The following SCOC variants were observed in gnomAD, a reference collection of about 807,000 sequenced individuals.
The protein encoded by SCOC is short coiled-coil protein.
Under a neutral mutation model 9.9 loss-of-function variants are expected in SCOC, and 7 were observed. The observed-to-expected ratio is 0.71, with a 90% confidence interval of 0.40 to 1.33. The LOEUF is 1.33. Among genes scored for constraint, SCOC ranks in the 40% most tolerant of loss-of-function variants. The pLI is 0.01. For missense variants in SCOC, 66 were observed against 89.7 expected, an observed-to-expected ratio of 0.74 and a Z score of 1.07; for synonymous variants, 19 against 28.2, an observed-to-expected ratio of 0.67 and a Z score of 1.03.
intron 2 of SCOC, among the ~76,000 whole-genome samples, chr4:140,364,045 T>TA: frequency 6.6e-6 from 1 of 151,892 alleles, no homozygotes; most frequent in East Asian, 1.9e-4. Context: ...AGAAAGATTG[T>TA]AAAAAAAGAA....
chr4:140,280,515 TTC>T (rs920113227), intron 1 of SCOC, among the ~76,000 whole-genome samples: 1 of 152,184 alleles, frequency 6.6e-6, no homozygotes, highest in African/African-American at 2.4e-5. Context: ...CTCTTTATGC[TTC>T]TCTCTCCCTT....
chr4:140,318,087 C>G (rs1732384802), intron 1 of SCOC, among the ~76,000 whole-genome samples: 2 of 151,868 alleles, frequency 1.3e-5, no homozygotes, highest in African/African-American at 4.8e-5. Context: ...TTTTCTTAAT[C>G]CAGTTGATTT....
chr4:140,360,955 G>A (rs573409001), intron 2 of SCOC: 1 of 151,632 alleles, frequency 6.6e-6, no homozygotes, highest in South Asian at 2.1e-4. Context: ...GCGACATTTT[G>A]TAGTATTTCC....
Position 140,385,361 on chromosome 4 carries a change from TAAAG to T in SCOC, c.*4263_*4266del, listed in dbSNP as rs1728664917. The T allele has an allele frequency of 8.5e-5, 13 of 152,308 alleles. No homozygotes were observed. In the South Asian group the frequency reaches 2.5e-3, roughly 29 times the overall value. 9.4% of individuals were successfully genotyped at this position (152,308 alleles called of 1,614,324 possible). A position where few individuals can be genotyped will look rare whatever the true frequency, so the allele number is the denominator to read the frequency against. ...TAGCAAAATGAGTATTAAAGTAGGATAAAGAAAGACTACATATGTACATAAAACC... is the reference window on the plus strand; with the variant it reads ...TAGCAAAATGAGTATTAAAGTAGGATAAAGACTACATATGTACATAAAACC... On this transcript the variant is annotated 3_prime_UTR_variant, in exon 4 of 4. Transcript: ENST00000608372.
chr4:140,355,278 T>C (rs1727177870), intron 2 of SCOC, among the ~76,000 whole-genome samples: 1 of 147,536 alleles, frequency 6.8e-6, no homozygotes. Context: ...TATAGAACAA[T>C]GATACCCTGA....
chr4:140,324,693 C>T (rs2126486474), intron 1 of SCOC, among the ~76,000 whole-genome samples: 1 of 152,070 alleles, frequency 6.6e-6, no homozygotes, highest in Non-Finnish European at 1.5e-5. Flanking sequence ...AAAATCTAAA[C>T]ACATTGACAG....
chr4:140,349,055 A>G (rs960710654), intron 2 of SCOC, among the ~76,000 whole-genome samples: 17 of 152,142 alleles, frequency 1.1e-4, no homozygotes, highest in African/African-American at 3.1e-4. Context: ...TTAAATTGGG[A>G]TATTTGTTTT....
chr4:140,316,548 T>G (rs772041704), intron 1 of SCOC, among the ~76,000 whole-genome samples: 15 of 152,298 alleles, frequency 9.8e-5, no homozygotes, highest in Non-Finnish European at 1.9e-4. Context: ...AACATACACG[T>G]AGACCAAAAG....
chr4:140,364,799 T>C (rs1727719009), intron 2 of SCOC, among the ~76,000 whole-genome samples: 1 of 152,204 alleles, frequency 6.6e-6, no homozygotes, highest in Non-Finnish European at 1.5e-5. Context: ...TATTGGACAG[T>C]GCCTCTGGCC....
intron 1 of SCOC, among the ~76,000 whole-genome samples, chr4:140,330,934 G>A (rs908809769): frequency 1.1e-4 from 17 of 152,282 alleles, no homozygotes; most frequent in South Asian, 4.1e-4. Context: ...TCAATGCAGC[G>A]TACGGCTGGT....
At chr4:140,368,241 T>A (rs1727887926) in intron 2 of SCOC, among the ~76,000 whole-genome samples, 1 of 152,244 alleles carries the variant, frequency 6.6e-6, no homozygotes, top group African/African-American at 2.4e-5. Context: ...CAGAGTTTTC[T>A]GAACCAATCA....
intron 1 of SCOC, among the ~76,000 whole-genome samples, chr4:140,298,653 T>G (rs1731719672): frequency 1.3e-5 from 2 of 152,230 alleles, no homozygotes; most frequent in African/African-American, 2.4e-5. Context: ...GCTCCCTTCC[T>G]TCCTGTGGCC....
intron 1 of SCOC, among the ~76,000 whole-genome samples, chr4:140,261,477 C>G (rs1730632601): frequency 2.0e-5 from 3 of 152,210 alleles, no homozygotes; most frequent in Admixed American, 2.0e-4. Flanking sequence ...CAATAGTGCT[C>G]CATGCCTTCC....
chr4:140,267,326 G>A (rs1014531030), intron 1 of SCOC, among the ~76,000 whole-genome samples: 1 of 152,156 alleles, frequency 6.6e-6, no homozygotes, highest in Admixed American at 6.5e-5. Flanking sequence ...TGTCAGCATA[G>A]TCGTCAGTGG....
At chr4:140,328,484 A>G (rs983135034) in intron 1 of SCOC, among the ~76,000 whole-genome samples, 3 of 152,160 alleles carry the variant, frequency 2.0e-5, no homozygotes, top group Admixed American at 6.5e-5. Context: ...TTTCACCTCA[A>G]TGCATTTAAC....
intron 1 of SCOC, 173 bp downstream of exon 1, chr4:140,373,890 C>T (rs985685533): frequency 6.7e-6 from 5 of 748,566 alleles, no homozygotes; most frequent in African/African-American, 3.4e-5. Flanking sequence ...GCCTGGCTCC[C>T]GGCAGAACCC....
intron 2 of SCOC, among the ~76,000 whole-genome samples, chr4:140,359,262 C>A (rs1340526848): frequency 6.6e-6 from 1 of 152,134 alleles, no homozygotes; most frequent in African/African-American, 2.4e-5. Context: ...CAAGGTGGCT[C>A]ACTCACACAG....
At chr4:140,274,504 A>G (rs1451825644) in intron 1 of SCOC, among the ~76,000 whole-genome samples, 1 of 152,192 alleles carries the variant, frequency 6.6e-6, no homozygotes, top group South Asian at 2.1e-4. Flanking sequence ...TCTATGTAGA[A>G]GAGGTGCCAG....
intron 1 of SCOC, among the ~76,000 whole-genome samples, chr4:140,298,385 C>T (rs776032612): frequency 6.6e-6 from 1 of 152,182 alleles, no homozygotes; most frequent in Admixed American, 6.5e-5. Context: ...CATACCAGTG[C>T]CTCACACTAA....
Sources: gnomAD v4.1 joint callset for allele counts (sites outside exome capture counted in the v4.1 genomes callset) on GRCh38, gnomAD v4.1.1 for gene constraint, MANE v1.5 for transcripts, NCBI Gene and HGNC (gene_info 2026-07-23, HGNC 2026-07-21) for gene names.